The following BLK variants were observed in gnomAD, a reference collection of about 807,000 sequenced individuals.
The protein encoded by BLK is tyrosine-protein kinase Blk.
BLK carries 64 observed loss-of-function variants against 61.8 expected under a neutral mutation model. The observed-to-expected ratio is 1.03, with a 90% CI of 0.85 to 1.27. The LOEUF (loss-of-function observed/expected upper bound fraction) is 1.27, where lower values mean the gene tolerates loss of function less well. BLK is among the 50% of genes most tolerant of loss of function. The pLI, the probability that BLK is intolerant of heterozygous loss-of-function variation, is 0.00. For synonymous variants in BLK, 351 were observed against 272.0 expected, an observed-to-expected ratio of 1.29 and a Z score of -2.86; for missense variants, 853 against 660.5, an observed-to-expected ratio of 1.29 and a Z score of -3.19.
intron 1 of BLK, among the ~76,000 whole-genome samples, chr8:11,534,892 C>T (rs924267221): frequency 6.6e-6 from 1 of 152,180 alleles, no homozygotes; most frequent in Non-Finnish European, 1.5e-5. Context: ...ACAAGGAGGC[C>T]AGATGCAGCG....
At chr8:11,499,233 G>A (rs1049714806) in intron 1 of BLK, among the ~76,000 whole-genome samples, 1 of 152,214 alleles carries the variant, frequency 6.6e-6, no homozygotes, top group Non-Finnish European at 1.5e-5. Context: ...ACAGTCGCAG[G>A]CTGTGTAGGT....
intron 8 of BLK, chr8:11,556,199 A>G: frequency 7.5e-6 from 2 of 266,036 alleles, no homozygotes; most frequent in Non-Finnish European, 1.5e-5. Flanking sequence ...GAGAGTGTGG[A>G]GATACAGATA....
At chr8:11,499,482 T>C (rs1369085698) in intron 1 of BLK, among the ~76,000 whole-genome samples, 1 of 152,102 alleles carries the variant, frequency 6.6e-6, no homozygotes, top group Non-Finnish European at 1.5e-5. Context: ...TGAGAGAATC[T>C]CATTTCCTGA....
rs760775620 is a variant in BLK at position 11,558,381 on chromosome 8, G to A, written c.1029+343G>A. The A allele has an allele frequency of 2.7e-5, 10 of 376,702 alleles. 1 individual carries two copies. Among genetic ancestry groups the A allele is most frequent in the South Asian group, 1.0e-4 (5 of 48,390 alleles). The allele number at this position is 376,702 out of a possible 1,614,324, so 23.3% of individuals were successfully genotyped here. A position where few individuals can be genotyped will look rare whatever the true frequency, so the allele number is the denominator to read the frequency against. On this transcript the variant is annotated intron_variant, in intron 10 of 12. Coordinates refer to ENST00000259089, the MANE Select transcript of BLK (RefSeq NM_001715.3). Reference sequence around the variant, plus strand: ...AGTTAGCAAGAGTTCCATTGAACCCGGCAGGCAAGTGTGTTCTGTTGTGAC... The same window carrying A: ...AGTTAGCAAGAGTTCCATTGAACCCAGCAGGCAAGTGTGTTCTGTTGTGAC...
At chr8:11,550,502 C>G (rs1018609213) in intron 6 of BLK, among the ~76,000 whole-genome samples, 1 of 152,258 alleles carries the variant, frequency 6.6e-6, no homozygotes, top group Non-Finnish European at 1.5e-5. Flanking sequence ...CAGGGGTGGT[C>G]CCACGCCAGA....
intron 10 of BLK, chr8:11,558,962 G>A (rs751444440): frequency 2.2e-6 from 1 of 456,282 alleles, no homozygotes; most frequent in Non-Finnish European, 4.4e-6. Flanking sequence ...TTCCGCTGAG[G>A]TGGGCAGACA....
chr8:11,525,767 C>A (rs897266958), intron 1 of BLK, among the ~76,000 whole-genome samples: 2 of 152,108 alleles, frequency 1.3e-5, no homozygotes, highest in Non-Finnish European at 2.9e-5. Flanking sequence ...TTCTCTGAGA[C>A]AGAGTCTCAT....
At chr8:11,551,237 C>T (rs1460106698) in intron 6 of BLK, among the ~76,000 whole-genome samples, 1 of 152,220 alleles carries the variant, frequency 6.6e-6, no homozygotes, top group Non-Finnish European at 1.5e-5. Flanking sequence ...GACTGGGTGG[C>T]TTCCACCACA....
chr8:11,558,132 G>A (rs1585417304), intron 10 of BLK, 94 bp downstream of exon 10: 2 of 1,297,450 alleles, frequency 1.5e-6, no homozygotes, highest in East Asian at 4.7e-5. Context: ...CTCTCAGCCA[G>A]CAGGAGAAGT....
Position 11,545,173 on chromosome 8 carries a change from T to A in BLK, c.124-879T>A, listed in dbSNP as rs146134288. The stretch of plus-strand genomic sequence containing the variant: ...ACATATCGACGTTGATGCACGTGGC[T>A]GTTGCTCATTAATTTTATTGCCTGA... On this transcript the variant is annotated intron_variant, in intron 2 of 12. Transcript: ENST00000259089. 5.7e-4 allele frequency among the ~76,000 whole-genome samples: 87 copies of A among 152,370 alleles called. 1 individual carries two copies. The highest frequency in any genetic ancestry group is 3.4e-3 in the Middle Eastern group (1 of 294).
intron 12 of BLK, among the ~76,000 whole-genome samples, chr8:11,563,530 C>T (rs1359291120): frequency 6.6e-6 from 1 of 152,174 alleles, no homozygotes; most frequent in Non-Finnish European, 1.5e-5. Context: ...CACTTGGCCC[C>T]CACAGGTGGG....
At chr8:11,535,300 G>GAAAGAAAGAAAGAAAGAAAGAAAGAAAA (rs1563102504) in intron 1 of BLK, among the ~76,000 whole-genome samples, 220 of 144,432 alleles carry the variant, frequency 1.5e-3, no homozygotes, top group African/African-American at 5.3e-3. Context: ...AAGAAAGAAA[G>GAAAGAAAGAAAGAAAGAAAGAAAGAAAA]AAAGAAAGAA....
At chr8:11,505,310 G>A (rs943758030) in intron 1 of BLK, among the ~76,000 whole-genome samples, 1 of 152,112 alleles carries the variant, frequency 6.6e-6, no homozygotes, top group Non-Finnish European at 1.5e-5. Context: ...AAAGTTTTCT[G>A]TTGTCAAATA....
chr8:11,554,319 G>C (rs960697570), intron 6 of BLK: 10 of 258,976 alleles, frequency 3.9e-5, no homozygotes, highest in Admixed American at 1.9e-4. Context: ...GCTGTGAATG[G>C]CTATCTGCTT....
chr8:11,533,945 G>A (rs114637853), intron 1 of BLK, among the ~76,000 whole-genome samples: 1,535 of 152,362 alleles, frequency 0.01, 11 homozygotes, highest in Middle Eastern at 0.044. Flanking sequence ...GGAATGCCCC[G>A]TGTTGGCGGG....
At chr8:11,546,373 G>T (rs930377019) in intron 3 of BLK, among the ~76,000 whole-genome samples, 10 of 152,168 alleles carry the variant, frequency 6.6e-5, no homozygotes, top group Non-Finnish European at 1.5e-4. Flanking sequence ...AGAGTCCCAG[G>T]GAAGACACAC....
intron 1 of BLK, among the ~76,000 whole-genome samples, chr8:11,515,123 T>G (rs1049895964): frequency 2.0e-5 from 3 of 152,198 alleles, no homozygotes; most frequent in African/African-American, 7.2e-5. Flanking sequence ...TTCAGGGTTT[T>G]GCCCTGTTTT....
At chr8:11,529,815 T>C (rs1799814938) in intron 1 of BLK, among the ~76,000 whole-genome samples, 1 of 152,232 alleles carries the variant, frequency 6.6e-6, no homozygotes, top group Non-Finnish European at 1.5e-5. Context: ...TTAGATCTCT[T>C]TCACTGTCTC....
At chr8:11,518,337 C>A (rs1371731595) in intron 1 of BLK, among the ~76,000 whole-genome samples, 2 of 152,136 alleles carry the variant, frequency 1.3e-5, no homozygotes, top group African/African-American at 4.8e-5. Flanking sequence ...TGAGTTTTTG[C>A]AATGCATTCA....
Sources: allele counts gnomAD v4.1 joint callset (sites outside exome capture counted in the v4.1 genomes callset), GRCh38; gene constraint gnomAD v4.1.1; transcripts MANE v1.5; gene names NCBI Gene and HGNC (gene_info 2026-07-23, HGNC 2026-07-21).